Variants in PTPRJ observed in about 807,000 individuals in gnomAD.
PTPRJ encodes the protein receptor-type tyrosine-protein phosphatase eta.
In PTPRJ, 129 loss-of-function variants were observed where a neutral mutation model predicts 141.3. The ratio of observed to expected loss-of-function variants is 0.91; its 90% confidence interval spans 0.79 to 1.06. The LOEUF is 1.06. Among genes scored for constraint, PTPRJ ranks in the 50% least tolerant of loss-of-function variants. The pLI is 0.00. For synonymous variants in PTPRJ, 610 were observed against 640.5 expected (o/e 0.95, Z 0.72); for missense variants, 1,601 against 1,679.7 (o/e 0.95, Z 0.82).
chr11:48,084,689 C>G (rs540461389), intron 1 of PTPRJ, among the ~76,000 whole-genome samples: 6 of 152,174 alleles, frequency 3.9e-5, no homozygotes, highest in Admixed American at 3.3e-4. Flanking sequence ...TCTGAAAGTC[C>G]CAAGTCAAAA....
intron 1 of PTPRJ, among the ~76,000 whole-genome samples, chr11:47,988,771 TTG>T (rs1410957870): frequency 7.9e-5 from 12 of 152,222 alleles, no homozygotes; most frequent in African/African-American, 2.9e-4. Context: ...TCCCCTCAGT[TTG>T]TACCTGTATC....
chr11:48,113,083 A>T (rs1169536930), intron 3 of PTPRJ, 100 bp downstream of exon 3: 1 of 1,045,034 alleles, frequency 9.6e-7, no homozygotes, highest in African/African-American at 1.6e-5. Flanking sequence ...TAATTACCTA[A>T]GAAAATCTTT....
At chr11:48,022,788 A>G (rs1433593606) in intron 1 of PTPRJ, among the ~76,000 whole-genome samples, 1 of 152,160 alleles carries the variant, frequency 6.6e-6, no homozygotes, top group Non-Finnish European at 1.5e-5. Context: ...GTGGGAAGAA[A>G]GGGTTCTCTT....
rs926340435 is a variant in PTPRJ, at chr11:48,170,737, A to G, written c.*3375A>G. ...TTTCTAATGTTTGTTATACTTGTAC[A>G]GAGTATTGCTGTTGGTTGCTTTTTT... On this transcript the variant is annotated 3_prime_UTR_variant, in exon 25 of 25. Transcript: ENST00000418331. 1.4e-5 allele frequency: 2 copies of G among 144,642 alleles called. No homozygotes were observed. Among genetic ancestry groups the G allele is most frequent in the Non-Finnish European group, 3.0e-5 (2 of 67,028 alleles). 9.0% of individuals were successfully genotyped at this position (144,642 alleles called of 1,614,324 possible). A position where few individuals can be genotyped will look rare whatever the true frequency, so the allele number is the denominator to read the frequency against.
intron 1 of PTPRJ, among the ~76,000 whole-genome samples, chr11:48,033,067 A>AG (rs1854026723): frequency 6.6e-6 from 1 of 152,066 alleles, no homozygotes; most frequent in African/African-American, 2.4e-5. Flanking sequence ...AAAAAAAAAA[A>AG]ACAAGTCTAA....
chr11:48,128,071 CT>C (rs749506110), intron 7 of PTPRJ, 28 bp downstream of exon 7: 1 of 1,600,140 alleles, frequency 6.2e-7, no homozygotes, highest in Non-Finnish European at 8.6e-7. Flanking sequence ...TCTCACCACC[CT>C]TTCCTGCTGT....
At chr11:47,984,938 C>T (rs989262846) in intron 1 of PTPRJ, among the ~76,000 whole-genome samples, 6 of 151,300 alleles carry the variant, frequency 4.0e-5, no homozygotes, top group East Asian at 1.9e-4. Flanking sequence ...CTGCAACCTC[C>T]GCCTCCTGGG....
intron 1 of PTPRJ, among the ~76,000 whole-genome samples, chr11:48,033,438 G>T (rs767171495): frequency 1.3e-5 from 2 of 152,152 alleles, no homozygotes; most frequent in Non-Finnish European, 2.9e-5. Flanking sequence ...GTGGGACGGG[G>T]TAAGATCACC....
intron 1 of PTPRJ, among the ~76,000 whole-genome samples, chr11:48,029,764 C>T (rs911097811): frequency 1.3e-5 from 2 of 152,190 alleles, no homozygotes; most frequent in African/African-American, 4.8e-5. Context: ...CCCTTTCCCG[C>T]CTCAAGGCTA....
chr11:48,138,394 G>A (rs973104685), intron 10 of PTPRJ, among the ~76,000 whole-genome samples: 4 of 152,196 alleles, frequency 2.6e-5, no homozygotes, highest in Non-Finnish European at 4.4e-5. Flanking sequence ...GGGTGGAACA[G>A]GAGCTGTAAA....
chr11:47,983,684 G>A (rs1469985501), intron 1 of PTPRJ, among the ~76,000 whole-genome samples: 1 of 152,134 alleles, frequency 6.6e-6, no homozygotes, highest in African/African-American at 2.4e-5. Context: ...CAGTAGTTTT[G>A]GTTTGTGTGT....
chr11:47,996,174 A>C (rs1357210272), intron 1 of PTPRJ, among the ~76,000 whole-genome samples: 1 of 151,516 alleles, frequency 6.6e-6, no homozygotes, highest in African/African-American at 2.4e-5. Context: ...TCTACTAAAA[A>C]TACAAAAAAA....
intron 10 of PTPRJ, among the ~76,000 whole-genome samples, chr11:48,138,877 A>G (rs10734564): frequency 0.75 from 113,335 of 152,116 alleles, 43,663 homozygotes; most frequent in East Asian, 0.84. Flanking sequence ...GCTCACACCT[A>G]TAATCCCAGC....
intron 1 of PTPRJ, among the ~76,000 whole-genome samples, chr11:48,075,111 G>A (rs745983520): frequency 6.6e-6 from 1 of 151,670 alleles, no homozygotes; most frequent in Non-Finnish European, 1.5e-5. Context: ...ACAACTAGCA[G>A]TTACATGCTA....
intron 3 of PTPRJ, among the ~76,000 whole-genome samples, chr11:48,115,641 A>T (rs1856546254): frequency 6.6e-6 from 1 of 152,260 alleles, no homozygotes; most frequent in African/African-American, 2.4e-5. Context: ...ACACAGTCAA[A>T]TTCAGAATAC....
chr11:48,167,206 C>A lies in PTPRJ; in HGVS notation c.3858C>A (p.Asp1286Glu), dbSNP rs1488984555. The A allele has an allele frequency of 1.2e-6, 2 of 1,609,820 alleles. No homozygotes were observed. The highest frequency in any genetic ancestry group is 1.7e-6 in the Non-Finnish European group (2 of 1,177,120). The change falls in exon 25 of 25, where the codon GAC becomes GAA. Residue 1286 changes from aspartate to glutamate, a missense_variant and splice_region_variant. Coordinates refer to ENST00000418331, the MANE Select transcript of PTPRJ (RefSeq NM_002843.4). Reference protein sequence around the residue: ...MHRPLMVQTEDQYVFLNQCVL... With the variant: ...MHRPLMVQTEEQYVFLNQCVL... Reference sequence around the variant, plus strand: ...TCTCTCTTTCGTTTTTCTATCAGGACCAGTATGTTTTCCTCAATCAGTGTG... The same window carrying A: ...TCTCTCTTTCGTTTTTCTATCAGGAACAGTATGTTTTCCTCAATCAGTGTG...
intron 1 of PTPRJ, among the ~76,000 whole-genome samples, chr11:47,993,790 A>T (rs1854258206): frequency 6.6e-6 from 1 of 151,102 alleles, no homozygotes; most frequent in African/African-American, 2.4e-5. Context: ...TGGCTGAAGG[A>T]TCCTGATCCC....
chr11:47,985,061 C>T (rs943446203), intron 1 of PTPRJ, among the ~76,000 whole-genome samples: 2 of 151,342 alleles, frequency 1.3e-5, no homozygotes, highest in African/African-American at 4.9e-5. Context: ...GCATGTTGGC[C>T]AGGATGGTCT....
At chr11:48,020,988 T>G (rs1378141971) in intron 1 of PTPRJ, among the ~76,000 whole-genome samples, 2 of 152,254 alleles carry the variant, frequency 1.3e-5, no homozygotes, top group Admixed American at 1.3e-4. Flanking sequence ...GATTTATTTT[T>G]ATTTTTCTTA....
Sources: gnomAD v4.1 joint callset for allele counts (sites outside exome capture counted in the v4.1 genomes callset) on GRCh38, gnomAD v4.1.1 for gene constraint, MANE v1.5 for transcripts, NCBI Gene and HGNC (gene_info 2026-07-23, HGNC 2026-07-21) for gene names.